USP40: variants seen among roughly 807,000 people sequenced by gnomAD.
USP40 encodes the protein ubiquitin specific peptidase 40.
Under a neutral mutation model 166.2 loss-of-function variants are expected in USP40, and 143 were observed. The observed-to-expected ratio is 0.86, with a 90% CI of 0.75 to 0.99. USP40 has a LOEUF of 0.99. USP40 is among the 50% of genes least tolerant of loss of function. USP40 has a pLI of 0.00. For synonymous variants in USP40, 498 were observed against 524.0 expected (o/e 0.95, Z 0.68); for missense variants, 1,444 against 1,479.7 (o/e 0.98, Z 0.40).
chr2:233,549,281 A>G, intron 7 of USP40, 52 bp from the exon 8 acceptor site: 20 of 1,139,602 alleles, frequency 1.8e-5, no homozygotes, highest in Non-Finnish European at 2.4e-5. Context: ...AAATGCTGAT[A>G]ATAATCAAAA....
intron 2 of USP40, among the ~76,000 whole-genome samples, chr2:233,565,104 A>G (rs1403539446): frequency 2.0e-5 from 3 of 152,252 alleles, no homozygotes; most frequent in African/African-American, 7.2e-5. Context: ...TTTAAATTAC[A>G]GGAATTAAAA....
chr2:233,551,403 C>A lies in USP40; in HGVS notation c.810G>T (p.Arg270=). 1.2e-6 allele frequency: 2 copies of A among 1,609,296 alleles called. No homozygotes were observed. Among genetic ancestry groups the A allele is most frequent in the Non-Finnish European group, 1.7e-6 (2 of 1,178,304 alleles). The change falls in exon 7 of 32, where the codon CGG becomes CGT. Residue 270 remains arginine (R), a synonymous_variant. Coordinates refer to ENST00000678225, the MANE Select transcript of USP40 (RefSeq NM_001365479.2). ...KETSCYTFPL[R]INLKPFCEQS... ...GTTCACAAAAGGGCTTGAGATTAAT[C>A]CGGAGAGGGAATGTATAACAGCTAG...
chr2:233,561,199 C>T (rs775997182), intron 3 of USP40: 1 of 1,573,958 alleles, frequency 6.4e-7, no homozygotes, highest in Non-Finnish European at 8.6e-7. Context: ...ACAAACCAAG[C>T]TCTTCTGGGC....
At chr2:233,494,956 T>TTATATATATA (rs71058559) in intron 24 of USP40, among the ~76,000 whole-genome samples, 47 of 35,462 alleles carry the variant, frequency 1.3e-3, no homozygotes, top group Non-Finnish European at 1.9e-3. Context: ...ATATATATAT[T>TTATATATATA]TATATATATA....
chr2:233,545,964 G>C (rs2069884072), intron 8 of USP40: 1 of 152,086 alleles, frequency 6.6e-6, no homozygotes, highest in Non-Finnish European at 1.5e-5. Flanking sequence ...AGTTCTGGAT[G>C]AAAAGCTAGT....
chr2:233,510,971 T>A (rs886987974), intron 20 of USP40, among the ~76,000 whole-genome samples: 1 of 152,004 alleles, frequency 6.6e-6, no homozygotes, highest in South Asian at 2.1e-4. Context: ...TATCAGCTTG[T>A]CATGCACTAC....
At chr2:233,509,436 GAAT>G (rs1333455417) in intron 21 of USP40, among the ~76,000 whole-genome samples, 7 of 152,078 alleles carry the variant, frequency 4.6e-5, no homozygotes, top group African/African-American at 1.4e-4. Context: ...GTAGGATAAA[GAAT>G]AATGATAGGT....
Position 233,481,216 on chromosome 2 carries a change from C to A in USP40, c.3586G>T (p.Gly1196Trp). Residue 1196 changes from glycine to tryptophan, a missense_variant, in exon 31 of 32, where the codon GGG (glycine) becomes TGG (tryptophan). Gly to Trp is a radical substitution (Grantham distance 184, BLOSUM62 -2). Transcript: ENST00000678225. ...CCCAGCAATTACCTTTTCCTTCTCCCCAGGGCCCGTTGTTTCTGCTTTTCT... is the reference window on the plus strand; with the variant it reads ...CCCAGCAATTACCTTTTCCTTCTCCACAGGGCCCGTTGTTTCTGCTTTTCT... The part of the protein sequence containing the change: ...GKEKQKQRAL[G>W]RRKSQEALHE... 1.2e-6 allele frequency: 2 copies of A among 1,605,704 alleles called. No individual in the cohort carries two copies. Among genetic ancestry groups the A allele is most frequent in the East Asian group, 2.2e-5 (1 of 44,794 alleles).
rs1198063980 is a variant in USP40 at position 233,508,706 on chromosome 2, CTT to C, written c.2613+1341_2613+1342del. 5.3e-5 allele frequency among the ~76,000 whole-genome samples: 8 copies of C among 152,102 alleles called. No homozygotes were observed. In the Middle Eastern group the frequency reaches 0.01, roughly 194 times the overall value. ...AGTTGGAATATGTTTATAAATAAAACTTATCATTATCTGCTTAGCTACCCTGG... is the reference window on the plus strand; with the variant it reads ...AGTTGGAATATGTTTATAAATAAAACATCATTATCTGCTTAGCTACCCTGG... On this transcript the variant is annotated intron_variant, in intron 21 of 31. Coordinates refer to ENST00000678225, the MANE Select transcript of USP40 (RefSeq NM_001365479.2).
At chr2:233,534,296 TAGTAAGG>T (rs1373566597) in intron 10 of USP40, among the ~76,000 whole-genome samples, 1 of 152,126 alleles carries the variant, frequency 6.6e-6, no homozygotes, top group Non-Finnish European at 1.5e-5. Flanking sequence ...AATCAAAGCA[TAGTAAGG>T]GTTAAGTCAC....
At chr2:233,479,374 C>T (rs1346119893) in intron 31 of USP40, among the ~76,000 whole-genome samples, 1 of 152,056 alleles carries the variant, frequency 6.6e-6, no homozygotes, top group Non-Finnish European at 1.5e-5. Flanking sequence ...ACCATCCTGG[C>T]CAACATGGTG....
intron 21 of USP40, among the ~76,000 whole-genome samples, chr2:233,501,738 TAAC>T (rs1559230570): frequency 6.6e-6 from 1 of 152,196 alleles, no homozygotes; most frequent in African/African-American, 2.4e-5. Context: ...GAGTTGCCAT[TAAC>T]TGAAAAAGAG....
Position 233,554,462 on chromosome 2 carries a change from T to C in USP40, c.611A>G (p.Asn204Ser). Residue 204 changes from asparagine (N) to serine (S), a missense_variant, in exon 6 of 32, where the codon AAC (asparagine) becomes AGC (serine). Transcript: ENST00000678225. ...NVSGLEDALW[N>S]MYVEEEVFDC... Reference sequence around the variant, plus strand: ...AAAAACTTCCTCTTCTACATACATGTTCCAGAGAGCATCTTCCAAACCGGA... The same window carrying C: ...AAAAACTTCCTCTTCTACATACATGCTCCAGAGAGCATCTTCCAAACCGGA... The C allele has an allele frequency of 6.2e-7, 1 of 1,613,428 alleles. No individual in the cohort carries two copies. The highest frequency in any genetic ancestry group is 8.5e-7 in the Non-Finnish European group (1 of 1,179,698).
chr2:233,503,969 T>C (rs1325801348), intron 21 of USP40, among the ~76,000 whole-genome samples: 1 of 152,106 alleles, frequency 6.6e-6, no homozygotes, highest in Non-Finnish European at 1.5e-5. Flanking sequence ...TTACTATTAG[T>C]GGCTAAGGAC....
chr2:233,559,714 C>T, intron 4 of USP40, 97 bp downstream of exon 4: 1 of 771,152 alleles, frequency 1.3e-6, no homozygotes, highest in African/African-American at 1.8e-5. Flanking sequence ...TATGTTGAGA[C>T]CCTAAGACAA....
intron 1 of USP40, among the ~76,000 whole-genome samples, chr2:233,566,162 G>T (rs147624581): frequency 5.9e-5 from 9 of 152,000 alleles, no homozygotes; most frequent in South Asian, 2.1e-4. Flanking sequence ...GGGGAGGGAG[G>T]GGGGAAGGGG....
intron 2 of USP40, among the ~76,000 whole-genome samples, chr2:233,564,567 T>C (rs1197444838): frequency 6.6e-6 from 1 of 152,140 alleles, no homozygotes; most frequent in African/African-American, 2.4e-5. Flanking sequence ...CCCTATATTC[T>C]TACAATAACC....
chr2:233,523,878 C>T (rs142513503), intron 15 of USP40, among the ~76,000 whole-genome samples: 1 of 152,158 alleles, frequency 6.6e-6, no homozygotes, highest in East Asian at 1.9e-4. Flanking sequence ...TTCTAAATTC[C>T]CACAGGCACT....
chr2:233,484,978 T>C (rs541012660), intron 30 of USP40, among the ~76,000 whole-genome samples: 1 of 152,324 alleles, frequency 6.6e-6, no homozygotes, highest in South Asian at 2.1e-4. Context: ...ATGGAAGCTT[T>C]TGAAGCTGGC....
Sources: gnomAD v4.1 joint callset for allele counts (sites outside exome capture counted in the v4.1 genomes callset) on GRCh38, gnomAD v4.1.1 for gene constraint, MANE v1.5 for transcripts, NCBI Gene and HGNC (gene_info 2026-07-23, HGNC 2026-07-21) for gene names.